Variants in SOS2 observed in about 807,000 individuals in gnomAD.
SOS2 encodes son of sevenless homolog 2.
Under a neutral mutation model 148.2 loss-of-function variants are expected in SOS2, and 65 were observed. That is an observed-to-expected ratio of 0.44 (90% CI 0.36 to 0.54). The LOEUF (loss-of-function observed/expected upper bound fraction) is 0.54, where lower values mean the gene tolerates loss of function less well. Among genes scored for constraint, SOS2 ranks in the 20% least tolerant of loss-of-function variants. SOS2 has a pLI of 0.00. For synonymous variants in SOS2, 539 were observed against 537.1 expected, an observed-to-expected ratio of 1.00 and a Z score of -0.05; for missense variants, 1,341 against 1,590.2, an observed-to-expected ratio of 0.84 and a Z score of 2.67.
intron 22 of SOS2, 121 bp downstream of exon 22, chr14:50,120,154 C>A: frequency 1.7e-6 from 1 of 589,676 alleles, no homozygotes. Context: ...AATATAACAA[C>A]CCAAATGCTG....
chr14:50,155,768 T>C (rs1884792701), intron 12 of SOS2: 1 of 152,070 alleles, frequency 6.6e-6, no homozygotes, highest in Non-Finnish European at 1.5e-5. Flanking sequence ...ATAAAGAGCT[T>C]ATATGACTGA....
chr14:50,172,547 G>C (rs1356324029), intron 8 of SOS2, among the ~76,000 whole-genome samples: 4 of 150,984 alleles, frequency 2.6e-5, no homozygotes, highest in Non-Finnish European at 5.9e-5. Context: ...TTTTAGTAGA[G>C]ACTAAAAACA....
At chr14:50,202,934 T>G (rs1469827281) in intron 2 of SOS2, among the ~76,000 whole-genome samples, 1 of 151,948 alleles carries the variant, frequency 6.6e-6, no homozygotes, top group Non-Finnish European at 1.5e-5. Context: ...GGAGGGAGGA[T>G]CACTGAAGGC....
chr14:50,203,826 C>T (rs1420700585), intron 2 of SOS2, among the ~76,000 whole-genome samples: 7 of 150,710 alleles, frequency 4.6e-5, no homozygotes, highest in East Asian at 1.9e-4. Flanking sequence ...GACGGTCTCC[C>T]GCCTCAGCCA....
At chr14:50,144,688 TC>T (rs1345676605) in intron 16 of SOS2, among the ~76,000 whole-genome samples, 4 of 152,208 alleles carry the variant, frequency 2.6e-5, no homozygotes, top group African/African-American at 7.2e-5. Context: ...TCGACCCGCC[TC>T]AGCCTCCTAA....
At chr14:50,137,200 T>C (rs1210643538) in intron 18 of SOS2, among the ~76,000 whole-genome samples, 1 of 152,198 alleles carries the variant, frequency 6.6e-6, no homozygotes, top group African/African-American at 2.4e-5. Flanking sequence ...TGTTTCATAT[T>C]TTATAGTACT....
intron 2 of SOS2, among the ~76,000 whole-genome samples, chr14:50,203,650 A>C (rs138488371): frequency 4.6e-5 from 7 of 152,174 alleles, no homozygotes; most frequent in African/African-American, 1.7e-4. Flanking sequence ...CACTGAGCAA[A>C]TGTCCTCAAA....
intron 8 of SOS2, among the ~76,000 whole-genome samples, chr14:50,169,835 G>A (rs1193473092): frequency 6.6e-6 from 1 of 151,822 alleles, no homozygotes; most frequent in Non-Finnish European, 1.5e-5. Context: ...TCACTTTATA[G>A]ATAATACTTT....
At chr14:50,186,220 G>A (rs149067304) in intron 5 of SOS2, among the ~76,000 whole-genome samples, 3,104 of 152,038 alleles carry the variant, frequency 0.02, 69 homozygotes, top group Non-Finnish European at 0.026. Context: ...TACAGAGATA[G>A]ATAAAAAAGG....
chr14:50,172,767 C>T (rs1193357078), intron 8 of SOS2, among the ~76,000 whole-genome samples: 2 of 152,058 alleles, frequency 1.3e-5, no homozygotes, highest in Non-Finnish European at 2.9e-5. Flanking sequence ...GTGAGTGTTT[C>T]TTTTCCCATT....
chr14:50,189,331 C>CAAAAAAAAAAAAAAAAAAAAAAAAAAA lies in SOS2; in HGVS notation c.511-632_511-631insTTTTTTTTTTTTTTTTTTTTTTTTTTT. Among the ~76,000 whole-genome samples the CAAAAAAAAAAAAAAAAAAAAAAAAAAA allele has an allele frequency of 4.9e-3, 153 of 31,454 alleles. 49 individuals carry two copies. The highest frequency in any genetic ancestry group is 7.5e-3 in the Non-Finnish European group (114 of 15,168). 20.6% of individuals were successfully genotyped at this position (31,454 alleles called of 152,430 possible). A position where few individuals can be genotyped will look rare whatever the true frequency, so the allele number is the denominator to read the frequency against. On this transcript the variant is annotated intron_variant, in intron 4 of 22. Transcript: ENST00000216373. The stretch of plus-strand genomic sequence containing the variant: ...ACACACACACACACACACATAATAG[C>CAAAAAAAAAAAAAAAAAAAAAAAAAAA]AAAAAAAAAAAAAAAAAGCAAGCCT...
chr14:50,166,415 G>A (rs1488658177), intron 8 of SOS2, among the ~76,000 whole-genome samples: 1 of 152,070 alleles, frequency 6.6e-6, no homozygotes, highest in Non-Finnish European at 1.5e-5. Context: ...TTTTTGTAGA[G>A]ATGGGGTTTG....
At chr14:50,159,274 T>C (rs1884921897) in intron 10 of SOS2, among the ~76,000 whole-genome samples, 157 bp downstream of exon 10, 2 of 152,310 alleles carry the variant, frequency 1.3e-5, no homozygotes, top group South Asian at 4.1e-4. Flanking sequence ...TTTTTAGACC[T>C]TTAATTCCTT....
rs928612619 is a variant in SOS2, at chr14:50,134,048, A to G, written c.3075+75T>C. 2.5e-5 allele frequency: 20 copies of G among 804,542 alleles called. No homozygotes were observed. The Admixed American group carries it at 3.4e-4, about 14-fold the overall frequency. The allele number at this position is 804,542 out of a possible 1,614,324, so 49.8% of individuals were successfully genotyped here. A position where few individuals can be genotyped will look rare whatever the true frequency, so the allele number is the denominator to read the frequency against. ...ACAGCCATTCAATTACATTTTTAAG[A>G]TAACAGGTTGTTAAACATTGAAAAT... On this transcript the variant is annotated intron_variant, in intron 19 of 22. Transcript: ENST00000216373.
intron 4 of SOS2, among the ~76,000 whole-genome samples, chr14:50,197,689 CTTTTTTTTTT>C (rs35121759): frequency 7.9e-6 from 1 of 125,852 alleles, no homozygotes; most frequent in African/African-American, 3.0e-5. Context: ...GCTTTACCAC[CTTTTTTTTTT>C]TTTTTTTTTG....
At chr14:50,133,852 C>T (rs1883987499) in intron 19 of SOS2, among the ~76,000 whole-genome samples, 1 of 152,048 alleles carries the variant, frequency 6.6e-6, no homozygotes. Flanking sequence ...ATTCAGCTAC[C>T]TATTAAGTTC....
intron 4 of SOS2, among the ~76,000 whole-genome samples, chr14:50,193,713 T>C (rs1886226496): frequency 6.6e-6 from 1 of 152,102 alleles, no homozygotes; most frequent in Admixed American, 6.6e-5. Context: ...TCTCATTACT[T>C]AGGGTTACAT....
Position 50,118,865 on chromosome 14 carries a change from A to AAAGTAAGTAAATT in SOS2, c.3490-13_3490-12insAATTTACTTACTT. The stretch of plus-strand genomic sequence containing the variant: ...GATTTCATATTTCCCTCAAAAAAAA[A>AAAGTAAGTAAATT]AGTAATTAAATTATACCTCTATTCT... On this transcript the variant is annotated splice_polypyrimidine_tract_variant and intron_variant, in intron 22 of 22. Transcript: ENST00000216373. 6.9e-7 allele frequency: 1 copy of AAAGTAAGTAAATT among 1,445,022 alleles called. No homozygotes were observed. Among genetic ancestry groups the AAAGTAAGTAAATT allele is most frequent in the Non-Finnish European group, 9.2e-7 (1 of 1,089,426 alleles). The allele number at this position is 1,445,022 out of a possible 1,614,324, so 89.5% of individuals were successfully genotyped here.
intron 1 of SOS2, among the ~76,000 whole-genome samples, chr14:50,206,414 C>T (rs563936982): frequency 6.6e-6 from 1 of 152,310 alleles, no homozygotes; most frequent in East Asian, 1.9e-4. Context: ...TGGTGTAACA[C>T]TGTATACAAC....
Sources: gnomAD v4.1 joint callset for allele counts (sites outside exome capture counted in the v4.1 genomes callset) on GRCh38, gnomAD v4.1.1 for gene constraint, MANE v1.5 for transcripts, NCBI Gene and HGNC (gene_info 2026-07-23, HGNC 2026-07-21) for gene names.